AFF3: variants seen among roughly 807,000 people sequenced by gnomAD.
AFF3 encodes ALF transcription elongation factor 3, also known as AF4/FMR2 family member 3.
A neutral mutation model predicts 129.7 loss-of-function variants in AFF3; 32 were observed. That is an observed-to-expected ratio of 0.25 (90% CI 0.19 to 0.33). The LOEUF (loss-of-function observed/expected upper bound fraction) is 0.33, where lower values mean the gene tolerates loss of function less well. AFF3 is among the 10% of genes least tolerant of loss of function. The pLI is 1.00. For synonymous variants in AFF3, 644 were observed against 635.4 expected (o/e 1.01, Z -0.20); for missense variants, 1,373 against 1,592.0 (o/e 0.86, Z 2.34).
chr2:99,715,004 G>A (rs1337000834), intron 11 of AFF3, among the ~76,000 whole-genome samples: 4 of 152,200 alleles, frequency 2.6e-5, no homozygotes, highest in African/African-American at 9.6e-5. Context: ...TGGTGCTCAC[G>A]TCTTCCAAGA....
intron 4 of AFF3, among the ~76,000 whole-genome samples, chr2:100,081,234 C>T (rs1345114246): frequency 6.6e-6 from 1 of 152,114 alleles, no homozygotes; most frequent in Non-Finnish European, 1.5e-5. Flanking sequence ...TACAAAATTA[C>T]ACTTGTACTC....
chr2:99,611,569 G>A (rs575198588), intron 13 of AFF3, among the ~76,000 whole-genome samples: 3 of 152,004 alleles, frequency 2.0e-5, no homozygotes, highest in African/African-American at 2.4e-5. Context: ...TTCCCCCCAC[G>A]GTGTTTGTCT....
chr2:99,744,320 G>T (rs1438112218), intron 9 of AFF3, among the ~76,000 whole-genome samples, 180 bp from the exon 10 acceptor site: 1 of 152,086 alleles, frequency 6.6e-6, no homozygotes, highest in Non-Finnish European at 1.5e-5. Flanking sequence ...GCAGTTCTGG[G>T]AATATACTTC....
chr2:99,830,754 A>C (rs949840353), intron 8 of AFF3, among the ~76,000 whole-genome samples: 6 of 152,210 alleles, frequency 3.9e-5, no homozygotes, highest in African/African-American at 1.4e-4. Flanking sequence ...AAAAACAAAA[A>C]CAAAAACAAA....
At chr2:99,909,171 T>C (rs1258209226) in intron 7 of AFF3, among the ~76,000 whole-genome samples, 2 of 151,374 alleles carry the variant, frequency 1.3e-5, no homozygotes, top group East Asian at 3.9e-4. Context: ...AAATGATGAG[T>C]TCATGTCCTT....
intron 13 of AFF3, among the ~76,000 whole-genome samples, chr2:99,628,564 T>C (rs76981503): frequency 6.6e-6 from 1 of 151,628 alleles, no homozygotes; most frequent in African/African-American, 2.4e-5. Flanking sequence ...TTTTTTTTTT[T>C]CTTTTTTCTT....
At chr2:99,567,891 G>A (rs1676121416) in intron 19 of AFF3, among the ~76,000 whole-genome samples, 1 of 152,204 alleles carries the variant, frequency 6.6e-6, no homozygotes, top group Non-Finnish European at 1.5e-5. Flanking sequence ...CTCCAAGAGT[G>A]GCCATTCATT....
intron 13 of AFF3, among the ~76,000 whole-genome samples, chr2:99,608,997 C>T (rs1454915987): frequency 6.6e-6 from 1 of 152,070 alleles, no homozygotes; most frequent in Admixed American, 6.5e-5. Flanking sequence ...AGACCACAAC[C>T]AGAAGAAGTT....
chr2:100,087,681 T>C (rs1689555204), intron 4 of AFF3, among the ~76,000 whole-genome samples: 1 of 151,844 alleles, frequency 6.6e-6, no homozygotes, highest in Non-Finnish European at 1.5e-5. Context: ...GTTCATGAAC[T>C]TTCATTATCA....
At chr2:99,852,767 C>T (rs1285887034) in intron 7 of AFF3, among the ~76,000 whole-genome samples, 1 of 152,190 alleles carries the variant, frequency 6.6e-6, no homozygotes, top group Non-Finnish European at 1.5e-5. Flanking sequence ...TTCCTTTCAG[C>T]ATGAAACTTC....
At chr2:99,936,274 G>A (rs1157243286) in intron 7 of AFF3, among the ~76,000 whole-genome samples, 1 of 152,172 alleles carries the variant, frequency 6.6e-6, no homozygotes, top group Non-Finnish European at 1.5e-5. Flanking sequence ...AGCTGTTACA[G>A]CCTGGTGGGG....
intron 7 of AFF3, among the ~76,000 whole-genome samples, chr2:99,932,782 G>C (rs1344414149): frequency 6.6e-6 from 1 of 152,192 alleles, no homozygotes; most frequent in African/African-American, 2.4e-5. Context: ...TCATTTTCAA[G>C]AGTTTTAATG....
At chr2:99,904,639 G>A (rs572806260) in intron 7 of AFF3, among the ~76,000 whole-genome samples, 12 of 152,156 alleles carry the variant, frequency 7.9e-5, no homozygotes, top group African/African-American at 2.9e-4. Context: ...TTTCAGGGAG[G>A]GCACTATTGA....
intron 13 of AFF3, among the ~76,000 whole-genome samples, chr2:99,610,330 G>A (rs1051373220): frequency 3.3e-5 from 5 of 152,112 alleles, no homozygotes; most frequent in South Asian, 2.1e-4. Flanking sequence ...TCTGTTTTCC[G>A]TCTCTAAAAT....
chr2:100,011,417 T>C, intron 4 of AFF3: 1 of 777,924 alleles, frequency 1.3e-6, no homozygotes, highest in South Asian at 1.3e-5. Context: ...CGAAGTGGCC[T>C]CATGTAAGAT....
chr2:99,858,801 T>C (rs542198506), intron 7 of AFF3, among the ~76,000 whole-genome samples: 1 of 152,264 alleles, frequency 6.6e-6, no homozygotes, highest in African/African-American at 2.4e-5. Flanking sequence ...CTAAAGGGTA[T>C]AGGCTTAATA....
intron 11 of AFF3, among the ~76,000 whole-genome samples, chr2:99,725,010 A>G (rs1679241746): frequency 1.3e-5 from 2 of 151,312 alleles, no homozygotes; most frequent in African/African-American, 2.4e-5. Flanking sequence ...TCCCTCTGTC[A>G]CCCAGGCTGG....
chr2:99,985,635 C>T (rs900983129), intron 7 of AFF3, among the ~76,000 whole-genome samples: 1 of 152,126 alleles, frequency 6.6e-6, no homozygotes, highest in Non-Finnish European at 1.5e-5. Context: ...ATGAACCCCA[C>T]AAACAAAATG....
intron 7 of AFF3, among the ~76,000 whole-genome samples, chr2:99,965,791 T>C (rs908956906): frequency 2.0e-5 from 3 of 152,178 alleles, no homozygotes; most frequent in Admixed American, 2.0e-4. Context: ...GGTGACCCGT[T>C]AGAAGTGGGG....
Sources: gnomAD v4.1 joint callset for allele counts (sites outside exome capture counted in the v4.1 genomes callset) on GRCh38, gnomAD v4.1.1 for gene constraint, MANE v1.5 for transcripts, NCBI Gene and HGNC (gene_info 2026-07-23, HGNC 2026-07-21) for gene names.